PARVB: variants seen among roughly 807,000 people sequenced by gnomAD.
The protein encoded by PARVB is beta-parvin.
A neutral mutation model predicts 47.0 loss-of-function variants in PARVB; 46 were observed. That is an observed-to-expected ratio of 0.98 (90% CI 0.77 to 1.25). The LOEUF (loss-of-function observed/expected upper bound fraction) is 1.25. PARVB is among the 50% of genes most tolerant of loss of function. PARVB has a pLI of 0.00. For missense variants in PARVB, 473 were observed against 471.6 expected (o/e 1.00, Z -0.03); for synonymous variants, 196 against 196.3 (o/e 1.00, Z 0.01).
rs770737501 is a variant in PARVB at position 43,999,683 on chromosome 22, G to T, written c.211+10G>T. 7 of 1,605,456 alleles carry T rather than the reference G, an allele frequency of 4.4e-6. No individual in the cohort carries two copies. In the East Asian group the frequency reaches 1.6e-4, roughly 36 times the overall value. ...TATGCTCAAGGAGGAGGTAAGTTTTGGGGGAAAAACTGTCAGAAAGTGGAT... is the reference window on the plus strand; with the variant it reads ...TATGCTCAAGGAGGAGGTAAGTTTTTGGGGAAAAACTGTCAGAAAGTGGAT... On this transcript the variant is annotated intron_variant, in intron 2 of 13. Coordinates refer to the PARVB transcript ENST00000406477.
rs575570405 is a variant in PARVB at position 44,062,888 on chromosome 22, A to G, written c.113-31040A>G. On this transcript the variant is annotated intron_variant, in intron 1 of 12. Transcript: ENST00000338758. ...CAGGGATTTTTACGGAGGCTTCATC[A>G]TGTAGGCATGTCTGGTTATTAGTTC... Among the ~76,000 whole-genome samples the G allele has an allele frequency of 2.0e-5, 3 of 151,984 alleles. No individual in the cohort carries two copies. The South Asian group carries it at 6.2e-4, about 32-fold the overall frequency.
chr22:44,117,714 G>T (rs1290718873), intron 3 of PARVB, among the ~76,000 whole-genome samples: 1 of 152,204 alleles, frequency 6.6e-6, no homozygotes, highest in African/African-American at 2.4e-5. Context: ...AATATTGCAG[G>T]TTGCAGCTGT....
intron 4 of PARVB, among the ~76,000 whole-genome samples, chr22:44,122,548 G>GAC (rs2053084801): frequency 3.3e-5 from 3 of 92,024 alleles, no homozygotes; most frequent in African/African-American, 1.6e-4. Flanking sequence ...GAGAGAGAGA[G>GAC]AGAGACACAG....
At chr22:44,013,505 G>A (rs1603422648) in intron 2 of PARVB, among the ~76,000 whole-genome samples, 1 of 152,178 alleles carries the variant, frequency 6.6e-6, no homozygotes, top group Admixed American at 6.5e-5. Flanking sequence ...CCACGCCGGC[G>A]AAGCCACTAT....
At chr22:44,023,328 T>C (rs1306180286), upstream of PARVB, among the ~76,000 whole-genome samples, 4 of 151,654 alleles carry the variant, frequency 2.6e-5, no homozygotes, top group East Asian at 7.9e-4. Context: ...CTGGCCAACA[T>C]GGCAAAACCG....
intron 1 of PARVB, among the ~76,000 whole-genome samples, chr22:44,036,215 C>A (rs544140727): frequency 6.6e-6 from 1 of 152,222 alleles, no homozygotes; most frequent in African/African-American, 2.4e-5. Context: ...CAAAATCATG[C>A]CACTGCACTC....
intron 8 of PARVB, 103 bp downstream of exon 8, chr22:44,140,246 A>T: frequency 8.5e-7 from 1 of 1,171,110 alleles, no homozygotes; most frequent in South Asian, 1.2e-5. Flanking sequence ...GGGAAACTAG[A>T]TGGGTCTCAC....
intron 9 of PARVB, chr22:44,151,252 A>G: frequency 2.0e-6 from 1 of 492,972 alleles, no homozygotes; most frequent in Non-Finnish European, 3.7e-6. Context: ...ATATGTGTGC[A>G]TGGGTTGGTG....
At chr22:44,129,170 A>G (rs2053255909) in intron 4 of PARVB, among the ~76,000 whole-genome samples, 2 of 152,208 alleles carry the variant, frequency 1.3e-5, no homozygotes, top group African/African-American at 4.8e-5. Flanking sequence ...GGTTCCTATA[A>G]AAAGAGGAGA....
At chr22:44,056,450 A>G (rs1282517036) in intron 1 of PARVB, among the ~76,000 whole-genome samples, 1 of 151,480 alleles carries the variant, frequency 6.6e-6, no homozygotes, top group Non-Finnish European at 1.5e-5. Context: ...AAATTACTCT[A>G]CCTCTCTGTG....
chr22:44,042,684 C>T (rs1161885329), intron 1 of PARVB, among the ~76,000 whole-genome samples: 1 of 152,174 alleles, frequency 6.6e-6, no homozygotes, highest in South Asian at 2.1e-4. Flanking sequence ...TTTGTTGGAG[C>T]AGCGCAGGGA....
chr22:44,021,099 A>G (rs77835634), upstream of PARVB, among the ~76,000 whole-genome samples: 1,939 of 152,244 alleles, frequency 0.013, 54 homozygotes, highest in African/African-American at 0.045. Flanking sequence ...TTGGGTTTTT[A>G]TGGAGCCTTC....
intron 1 of PARVB, among the ~76,000 whole-genome samples, chr22:44,072,704 A>C (rs567997690): frequency 6.6e-6 from 1 of 152,286 alleles, no homozygotes; most frequent in South Asian, 2.1e-4. Flanking sequence ...GGCCTCCCAA[A>C]GTTGCTGGGA....
intron 1 of PARVB, among the ~76,000 whole-genome samples, chr22:44,088,729 C>T (rs2052091848): frequency 6.6e-6 from 1 of 152,146 alleles, no homozygotes; most frequent in South Asian, 2.1e-4. Context: ...ACCTTGGCCT[C>T]CCAGAGTGCT....
At chr22:44,109,393 GGT>G (rs1454992904) in intron 3 of PARVB, 1 of 152,210 alleles carries the variant, frequency 6.6e-6, no homozygotes, top group Admixed American at 6.5e-5. Flanking sequence ...GTGATGGAGT[GGT>G]ATGCAAGAGC....
intron 1 of PARVB, among the ~76,000 whole-genome samples, chr22:44,027,613 G>A (rs993768697): frequency 4.6e-5 from 7 of 152,164 alleles, no homozygotes; most frequent in Non-Finnish European, 2.9e-5. Context: ...ATATGTATGT[G>A]TGGGCCAGGT....
chr22:44,089,966 C>T lies in PARVB; in HGVS notation c.113-3962C>T, dbSNP rs2052125417. On this transcript the variant is annotated intron_variant, in intron 1 of 12. Transcript: ENST00000338758. This position sits in a 1 kb window ranked among gnomAD's most constrained non-coding sequence, Gnocchi z 4.0. ...CTGTGGAATAGGGGACCTCGCCTGC[C>T]TTGTGGTCACTCTTCCTCCAGTCTG... Among the ~76,000 whole-genome samples the T allele has an allele frequency of 6.6e-6, 1 of 152,212 alleles. No homozygotes were observed. Among genetic ancestry groups the T allele is most frequent in the South Asian group, 2.1e-4 (1 of 4,826 alleles).
intron 1 of PARVB, among the ~76,000 whole-genome samples, chr22:44,066,820 C>CTTCTCCTCCTCCTCCTCT (rs2051544444): frequency 1.6e-5 from 2 of 121,722 alleles, no homozygotes; most frequent in Admixed American, 1.7e-4. Context: ...CCTCCTCCTC[C>CTTCTCCTCCTCCTCCTCT]TCTTCCTCCT....
At chr22:44,161,058 G>C (rs950775104) in intron 11 of PARVB, among the ~76,000 whole-genome samples, 1 of 152,112 alleles carries the variant, frequency 6.6e-6, no homozygotes, top group Non-Finnish European at 1.5e-5. Context: ...ATCTTTTCTC[G>C]CTATTCCCTC....
Sources: gnomAD v4.1 joint callset for allele counts (sites outside exome capture counted in the v4.1 genomes callset) on GRCh38, gnomAD v4.1.1 for gene constraint, Gnocchi (gnomAD v3.1) non-coding constraint, MANE v1.5 for transcripts, NCBI Gene and HGNC (gene_info 2026-07-23, HGNC 2026-07-21) for gene names.